TNFAIP3: variants seen among roughly 807,000 people sequenced by gnomAD.
TNFAIP3 encodes TNF alpha induced protein 3.
TNFAIP3 carries 9 observed loss-of-function variants against 72.4 expected under a neutral mutation model. The ratio of observed to expected loss-of-function variants is 0.12; its 90% confidence interval spans 0.07 to 0.22. TNFAIP3 has a LOEUF of 0.22. Ranked by LOEUF, TNFAIP3 falls within the 10% of genes least tolerant of loss-of-function variation. TNFAIP3 has a pLI of 1.00. For synonymous variants in TNFAIP3, 339 were observed against 372.6 expected (o/e 0.91, Z 1.04); for missense variants, 833 against 1,018.7 (o/e 0.82, Z 2.48).
At chr6:137,877,334 C>A in intron 6 of TNFAIP3, 78 bp downstream of exon 6, 1 of 1,346,422 alleles carries the variant, frequency 7.4e-7, no homozygotes, top group Non-Finnish European at 1.0e-6. Flanking sequence ...TGCTGCCACC[C>A]TGAAGCTCAA....
rs1273111730 is a variant in TNFAIP3, at chr6:137,883,009, G to T, written c.*1690G>T. 1.3e-5 allele frequency: 3 copies of T among 222,284 alleles called. No individual in the cohort carries two copies. The highest frequency in any genetic ancestry group is 5.7e-5 in the Admixed American group (1 of 17,408). 13.8% of individuals were successfully genotyped at this position (222,284 alleles called of 1,614,324 possible). A position where few individuals can be genotyped will look rare whatever the true frequency, so the allele number is the denominator to read the frequency against. On this transcript the variant is annotated 3_prime_UTR_variant, in exon 9 of 9. Coordinates refer to ENST00000612899, the MANE Select transcript of TNFAIP3 (RefSeq NM_001270508.2). ...TACTATTAGGCACACTTTCCCCTTA[G>T]AGCCCCCTAAGTTTTTCCCAGACGA... is the stretch of plus-strand genomic sequence containing the variant.
intron 1 of TNFAIP3, among the ~76,000 whole-genome samples, chr6:137,870,936 T>G (rs1490746719): frequency 6.6e-6 from 1 of 152,380 alleles, no homozygotes; most frequent in South Asian, 2.1e-4. Flanking sequence ...CAAACATTAC[T>G]GAAAACACGG....
Position 137,882,749 on chromosome 6 carries a change from G to A in TNFAIP3, c.*1430G>A, listed in dbSNP as rs73778207. The A allele has an allele frequency of 1.6e-4, 37 of 232,224 alleles. No homozygotes were observed. Among genetic ancestry groups the A allele is most frequent in the African/African-American group, 7.3e-4 (33 of 45,336 alleles). 14.4% of individuals were successfully genotyped at this position (232,224 alleles called of 1,614,324 possible). ...GCTGGGAAGTCCCCTGCATCCCATG[G>A]TACCCTGGTATTGGGACAGCAAAAG... On this transcript the variant is annotated 3_prime_UTR_variant, in exon 9 of 9. Transcript: ENST00000612899.
upstream of TNFAIP3, chr6:137,867,091 G>A (rs1193109407): frequency 6.6e-6 from 1 of 150,770 alleles, no homozygotes; most frequent in Non-Finnish European, 1.5e-5. The surrounding 1 kb of genome is among the most constrained non-coding windows in gnomAD (Gnocchi z 6.0). Context: ...GGGGCCCGCA[G>A]GCCCGGTCGG....
At chr6:137,869,327 A>ATGGG (rs1775958629) in intron 1 of TNFAIP3, among the ~76,000 whole-genome samples, 1 of 149,780 alleles carries the variant, frequency 6.7e-6, no homozygotes, top group Non-Finnish European at 1.5e-5. Context: ...GGATGGGTGG[A>ATGGG]TGGATGGATA....
At position 137,876,049 on chromosome 6, in the gene TNFAIP3, G is replaced by A. The variant is rs1197750585; in HGVS notation, c.688G>A (p.Gly230Ser). 1.2e-6 allele frequency: 2 copies of A among 1,613,986 alleles called. No individual in the cohort carries two copies. Among genetic ancestry groups the A allele is most frequent in the Non-Finnish European group, 1.7e-6 (2 of 1,180,020 alleles). The change falls in exon 5 of 9, where the codon GGT becomes AGT. Residue 230 changes from glycine to serine, a missense_variant. Transcript: ENST00000612899. ...SGSNFAPLKV[G>S]GIYLPLHWPA... ...TTCCAATTTCGCCCCTTTGAAAGTG[G>A]GTGGAATTTACTTGCCTCTCCACTG...
rs1562272981 is a variant in TNFAIP3, at chr6:137,879,033, A to T, written c.1588A>T (p.Arg530Trp). The T allele has an allele frequency of 6.2e-7, 1 of 1,614,102 alleles. No homozygotes were observed. Among genetic ancestry groups the T allele is most frequent in the Non-Finnish European group, 8.5e-7 (1 of 1,180,046 alleles). ...KCQACLQDVT[R>W]TFNGICSTCF... is the part of the protein sequence containing the mutation. Reference sequence around the variant, plus strand: ...CCAAGCCTGCCTCCAGGATGTTACCAGGACATTTAATGGGATCTGCAGTAC... The same window carrying T: ...CCAAGCCTGCCTCCAGGATGTTACCTGGACATTTAATGGGATCTGCAGTAC... Residue 530 changes from arginine to tryptophan, a missense_variant, in exon 7 of 9, where the codon AGG (arginine) becomes TGG (tryptophan). Physicochemically the swap from Arg to Trp is moderately radical, Grantham distance 101. Around this residue, in one of 2 missense-constraint regions of TNFAIP3, gnomAD observed 587 missense variants for 657.8 expected, o/e 0.89. Coordinates refer to ENST00000612899, the MANE Select transcript of TNFAIP3 (RefSeq NM_001270508.2).
rs142122102 is a variant in TNFAIP3, at chr6:137,871,509, G to A, written c.282G>A (p.Ala94=). 410 of 1,613,928 alleles carry A rather than the reference G, an allele frequency of 2.5e-4. 1 individual carries two copies. Among genetic ancestry groups the A allele is most frequent in the Admixed American group, 2.1e-3 (124 of 59,982 alleles). Residue 94 remains alanine, a synonymous_variant, in exon 2 of 9, where the codon GCG becomes GCA. Transcript: ENST00000612899. This position sits in a 1 kb window ranked among gnomAD's most constrained non-coding sequence, Gnocchi z 4.2. ...GTCGAGAAGTCCGGAAGCTTGTGGC[G>A]CTGAAAACGAACGGTAAGACTTGTT... is the stretch of plus-strand genomic sequence containing the variant. ...NWCREVRKLV[A]LKTNGDGNCL...
At position 137,878,638 on chromosome 6, in the gene TNFAIP3, T is replaced by C. The variant is rs140616865; in HGVS notation, c.1193T>C (p.Val398Ala). ...CCCAACTGCCCCTTCTTCATGTCTG[T>C]GAACACCCAGCCTTTATGCCATGAG... ...ETPNCPFFMS[V>A]NTQPLCHECS... The change falls in exon 7 of 9, where the codon GTG becomes GCG. Residue 398 changes from valine (V) to alanine (A), a missense_variant. Physicochemically the swap from Val to Ala is moderately conservative, Grantham distance 64. Coordinates refer to ENST00000612899, the MANE Select transcript of TNFAIP3 (RefSeq NM_001270508.2). 1.9e-5 allele frequency: 31 copies of C among 1,614,100 alleles called. No homozygotes were observed. The African/African-American group carries it at 4.0e-4, about 21-fold the overall frequency.
Position 137,882,050 on chromosome 6 carries a change from T to TA in TNFAIP3, c.*732dup, listed in dbSNP as rs1427077811. ...GAAGACGTGTAACTCTTTGGGTTAT[T>TA]ACTGTCTTTACTTCTAAAGAAGTTA... On this transcript the variant is annotated 3_prime_UTR_variant, in exon 9 of 9. Transcript: ENST00000612899. 1.7e-5 allele frequency: 4 copies of TA among 231,326 alleles called. No homozygotes were observed. Among genetic ancestry groups the TA allele is most frequent in the Non-Finnish European group, 3.4e-5 (4 of 116,848 alleles). The allele number at this position is 231,326 out of a possible 1,614,324, so 14.3% of individuals were successfully genotyped here.
At chr6:137,873,782 A>G (rs1776139007) in intron 2 of TNFAIP3, among the ~76,000 whole-genome samples, 1 of 152,228 alleles carries the variant, frequency 6.6e-6, no homozygotes, top group African/African-American at 2.4e-5. Context: ...AAATGTATAC[A>G]TTGAAGGAAT....
intron 3 of TNFAIP3, 137 bp downstream of exon 3, chr6:137,875,172 AAAACACCAG>A: frequency 2.0e-6 from 2 of 983,956 alleles, no homozygotes; most frequent in Non-Finnish European, 3.0e-6. Context: ...TACTCAATGG[AAAACACCAG>A]AAACCTCCAG....
At position 137,881,391 on chromosome 6, in the gene TNFAIP3, G is replaced by C; in HGVS notation, c.*72G>C. 1 of 1,376,996 alleles carries C rather than the reference G, an allele frequency of 7.3e-7. No individual in the cohort carries two copies. The highest frequency in any genetic ancestry group is 9.9e-7 in the Non-Finnish European group (1 of 1,009,630). The allele number at this position is 1,376,996 out of a possible 1,614,324, so 85.3% of individuals were successfully genotyped here. A position where few individuals can be genotyped will look rare whatever the true frequency, so the allele number is the denominator to read the frequency against. On this transcript the variant is annotated 3_prime_UTR_variant, in exon 9 of 9. Coordinates refer to ENST00000612899, the MANE Select transcript of TNFAIP3 (RefSeq NM_001270508.2). The surrounding 1 kb of genome is among the most constrained non-coding windows in gnomAD (Gnocchi z 5.0). ...GTCAGTCATCATGGTGCTATCCTCT[G>C]AACCCCTCAGCTGCCACTGCAACAG... is the stretch of plus-strand genomic sequence containing the variant.
rs1453630800 is a variant in TNFAIP3, at chr6:137,871,433, T to A, written c.206T>A (p.Ile69Asn). 6.2e-7 allele frequency: 1 copy of A among 1,614,128 alleles called. No individual in the cohort carries two copies. The highest frequency in any genetic ancestry group is 1.7e-5 in the Admixed American group (1 of 60,014). ...QFREIIHKAL[I>N]DRNIQATLES... Reference sequence around the variant, plus strand: ...CGGGAGATCATCCACAAAGCCCTCATCGACAGAAACATCCAGGCCACCCTG... The same window carrying A: ...CGGGAGATCATCCACAAAGCCCTCAACGACAGAAACATCCAGGCCACCCTG... Residue 69 changes from isoleucine to asparagine, a missense_variant, in exon 2 of 9, where the codon ATC (isoleucine) becomes AAC (asparagine). Coordinates refer to ENST00000612899, the MANE Select transcript of TNFAIP3 (RefSeq NM_001270508.2). The surrounding 1 kb of genome is among the most constrained non-coding windows in gnomAD (Gnocchi z 4.2).
intron 1 of TNFAIP3, among the ~76,000 whole-genome samples, chr6:137,868,543 A>C (rs1302464318): frequency 1.3e-5 from 2 of 152,136 alleles, no homozygotes; most frequent in African/African-American, 4.8e-5. Flanking sequence ...GTTGATAAAT[A>C]ATTCATCAAT....
At position 137,878,517 on chromosome 6, in the gene TNFAIP3, G is replaced by A. The variant is rs1776324395; in HGVS notation, c.1072G>A (p.Glu358Lys). Reference sequence around the variant, plus strand: ...TCAGCATGAGTACAAGAAATGGCAGGAAAACAGCGAGCAGGGGAGGAGAGA... The same window carrying A: ...TCAGCATGAGTACAAGAAATGGCAGAAAAACAGCGAGCAGGGGAGGAGAGA... ...LVQHEYKKWQ[E>K]NSEQGRREGH... Residue 358 changes from glutamate to lysine, a missense_variant, in exon 7 of 9, where the codon GAA becomes AAA. Physicochemically the swap from Glu to Lys is moderately conservative, Grantham distance 56 (BLOSUM62 1). Around this residue, in one of 2 missense-constraint regions of TNFAIP3, gnomAD observed 587 missense variants for 657.8 expected, o/e 0.89. Transcript: ENST00000612899. 5 of 1,614,144 alleles carry A rather than the reference G, an allele frequency of 3.1e-6. No individual in the cohort carries two copies. The highest frequency in any genetic ancestry group is 4.2e-6 in the Non-Finnish European group (5 of 1,180,066).
rs764633014 is a variant in TNFAIP3 at position 137,880,170 on chromosome 6, T to C, written c.2006T>C (p.Met669Thr). The change falls in exon 8 of 9, where the codon ATG (methionine) becomes ACG (threonine). Residue 669 changes from methionine to threonine, a missense_variant. Met to Thr is a moderately conservative substitution (Grantham distance 81). Transcript: ENST00000612899. ...GAATGCGGCACCCTTGGAAGCACCA[T>C]GTTTGAAGGATACTGCCAGAAGTGT... ...GRECGTLGST[M>T]FEGYCQKCFI... The C allele has an allele frequency of 6.2e-7, 1 of 1,614,172 alleles. No individual in the cohort carries two copies.
rs1776439899 is a variant in TNFAIP3, at chr6:137,881,111, A to G, written c.2165A>G (p.Lys722Arg). Residue 722 changes from lysine to arginine, a missense_variant, in exon 9 of 9, where the codon AAG becomes AGG. This residue lies in a region of TNFAIP3 where 587 missense variants were observed against 657.8 expected (regional missense o/e 0.89). Coordinates refer to ENST00000612899, the MANE Select transcript of TNFAIP3 (RefSeq NM_001270508.2). The surrounding 1 kb of genome is among the most constrained non-coding windows in gnomAD (Gnocchi z 5.0). ...SRPKCARASCKNILACRSEEL... is the reference protein window; with the variant it reads ...SRPKCARASCRNILACRSEEL... ...CCCAAGTGCGCCCGGGCCTCCTGCAAGAACATCCTGGCCTGCCGCAGCGAG... is the reference window on the plus strand; with the variant it reads ...CCCAAGTGCGCCCGGGCCTCCTGCAGGAACATCCTGGCCTGCCGCAGCGAG... 2 of 1,613,990 alleles carry G rather than the reference A, an allele frequency of 1.2e-6. No homozygotes were observed. The highest frequency in any genetic ancestry group is 1.7e-6 in the Non-Finnish European group (2 of 1,180,004).
rs150513567 is a variant in TNFAIP3, at chr6:137,878,950, G to A, written c.1505G>A (p.Arg502Gln). The A allele has an allele frequency of 2.5e-5, 41 of 1,614,028 alleles. No individual in the cohort carries two copies. Among genetic ancestry groups the A allele is most frequent in the Non-Finnish European group, 3.2e-5 (38 of 1,180,044 alleles). The change falls in exon 7 of 9, where the codon CGG (arginine) becomes CAG (glutamine). Residue 502 changes from arginine to glutamine, a missense_variant. Coordinates refer to ENST00000612899, the MANE Select transcript of TNFAIP3 (RefSeq NM_001270508.2). The stretch of plus-strand genomic sequence containing the variant: ...TTTTGTGAACGTTGCCACAACGCCC[G>A]GCAACTTCACGCCAGCCACGCCCCA... ...NGFCERCHNARQLHASHAPDH... is the reference protein window; with the variant it reads ...NGFCERCHNAQQLHASHAPDH...
Sources: allele counts gnomAD v4.1 joint callset (sites outside exome capture counted in the v4.1 genomes callset), GRCh38; gene constraint gnomAD v4.1.1; regional missense constraint gnomAD v4.1.1; non-coding constraint Gnocchi (gnomAD v3.1); transcripts MANE v1.5; gene names NCBI Gene and HGNC (gene_info 2026-07-23, HGNC 2026-07-21).